The following PTPRT variants were observed in gnomAD, a reference collection of about 807,000 sequenced individuals.
PTPRT encodes protein tyrosine phosphatase receptor type T.
In PTPRT, 56 loss-of-function variants were observed where a neutral mutation model predicts 176.8. The ratio of observed to expected loss-of-function variants is 0.32; its 90% CI spans 0.26 to 0.40. The LOEUF is 0.40. Among genes scored for constraint, PTPRT ranks in the 10% least tolerant of loss-of-function variants. The pLI is 1.00. For missense variants in PTPRT, 1,540 were observed against 1,908.2 expected (o/e 0.81, Z 3.60); for synonymous variants, 783 against 739.0 (o/e 1.06, Z -0.96).
At chr20:42,098,271 G>T in intron 27 of PTPRT, 150 bp downstream of exon 27, 1 of 1,089,848 alleles carries the variant, frequency 9.2e-7, no homozygotes, top group Non-Finnish European at 1.3e-6. Context: ...GTAGCAGAAT[G>T]GCTTGTCTGA....
intron 9 of PTPRT, among the ~76,000 whole-genome samples, chr20:42,388,595 AG>A (rs1255615596): frequency 1.3e-5 from 2 of 152,254 alleles, no homozygotes; most frequent in African/African-American, 4.8e-5. Context: ...CACACCAGTT[AG>A]AATGGCGATT....
chr20:42,854,995 G>T (rs978847185), intron 2 of PTPRT, among the ~76,000 whole-genome samples: 12 of 152,192 alleles, frequency 7.9e-5, no homozygotes, highest in African/African-American at 2.9e-4. Context: ...ATGAACATTT[G>T]GGAGCAGGGA....
intron 7 of PTPRT, among the ~76,000 whole-genome samples, chr20:42,628,458 A>G (rs902992217): frequency 6.6e-6 from 1 of 152,040 alleles, no homozygotes; most frequent in Non-Finnish European, 1.5e-5. Flanking sequence ...CTGGCAAATC[A>G]TTGTTCAATA....
At chr20:42,678,932 T>C (rs560889815) in intron 6 of PTPRT, among the ~76,000 whole-genome samples, 1 of 152,304 alleles carries the variant, frequency 6.6e-6, no homozygotes, top group South Asian at 2.1e-4. Context: ...GATATGAGCC[T>C]AAGTAGAAAA....
intron 1 of PTPRT, among the ~76,000 whole-genome samples, chr20:43,038,551 GA>G (rs1008425472): frequency 1.3e-5 from 2 of 151,836 alleles, no homozygotes; most frequent in African/African-American, 2.4e-5. Flanking sequence ...AATTAAATCA[GA>G]AAAAAGGATA....
At chr20:42,458,655 C>T (rs1036376099) in intron 8 of PTPRT, among the ~76,000 whole-genome samples, 3 of 152,114 alleles carry the variant, frequency 2.0e-5, no homozygotes, top group Non-Finnish European at 2.9e-5. Flanking sequence ...GTTGCTATTT[C>T]CTGTGATGTC....
At chr20:42,957,012 C>T (rs970176904) in intron 1 of PTPRT, among the ~76,000 whole-genome samples, 4 of 152,178 alleles carry the variant, frequency 2.6e-5, no homozygotes, top group African/African-American at 4.8e-5. Context: ...ACACCCAGAA[C>T]TAAAGGAGTG....
At chr20:42,610,015 G>A (rs77141560) in intron 7 of PTPRT, among the ~76,000 whole-genome samples, 1 of 152,366 alleles carries the variant, frequency 6.6e-6, no homozygotes, top group East Asian at 1.9e-4. Flanking sequence ...GCAGAATTCA[G>A]ATGGGTGGCG....
At chr20:43,150,470 T>G (rs1385696958) in intron 1 of PTPRT, among the ~76,000 whole-genome samples, 1 of 152,070 alleles carries the variant, frequency 6.6e-6, no homozygotes, top group Admixed American at 6.5e-5. Flanking sequence ...TTTTTCTTTT[T>G]TTTGGAGATT....
chr20:42,711,237 T>A (rs1356371362), intron 6 of PTPRT, among the ~76,000 whole-genome samples: 1 of 152,166 alleles, frequency 6.6e-6, no homozygotes, highest in Non-Finnish European at 1.5e-5. Flanking sequence ...GTGTTTTGCA[T>A]GTGAGAAGGA....
intron 6 of PTPRT, among the ~76,000 whole-genome samples, chr20:42,713,827 C>T (rs1458802765): frequency 2.0e-5 from 3 of 152,104 alleles, no homozygotes; most frequent in South Asian, 4.2e-4. Flanking sequence ...AGCACCTCCC[C>T]CTCTCTCTTC....
At chr20:42,225,094 G>C (rs1315752436) in intron 15 of PTPRT, among the ~76,000 whole-genome samples, 1 of 152,176 alleles carries the variant, frequency 6.6e-6, no homozygotes, top group African/African-American at 2.4e-5. Flanking sequence ...TATCACCACG[G>C]GTGGATGCCA....
intron 21 of PTPRT, among the ~76,000 whole-genome samples, chr20:42,116,890 G>A: frequency 6.6e-6 from 1 of 152,172 alleles, no homozygotes; most frequent in East Asian, 1.9e-4. Context: ...TGTTTCCAAT[G>A]GGGGATATAT....
At chr20:42,085,691 G>A (rs747795880) in intron 28 of PTPRT, 37 bp downstream of exon 28, 3 of 1,611,986 alleles carry the variant, frequency 1.9e-6, no homozygotes, top group East Asian at 2.2e-5. Flanking sequence ...GTCTTGGGGA[G>A]GAGGGGCTCA....
intron 7 of PTPRT, among the ~76,000 whole-genome samples, chr20:42,667,914 A>G (rs1239339954): frequency 6.6e-6 from 1 of 152,114 alleles, no homozygotes; most frequent in Non-Finnish European, 1.5e-5. Flanking sequence ...CAGATTTCTT[A>G]TCTATCCGGA....
chr20:42,654,945 G>A (rs371710867), intron 7 of PTPRT, among the ~76,000 whole-genome samples: 3 of 152,268 alleles, frequency 2.0e-5, no homozygotes, highest in East Asian at 3.9e-4. Context: ...AATGTTATAT[G>A]CATTTAAATT....
intron 1 of PTPRT, among the ~76,000 whole-genome samples, chr20:43,002,199 C>A (rs1386204101): frequency 6.6e-6 from 1 of 152,162 alleles, no homozygotes; most frequent in African/African-American, 2.4e-5. Flanking sequence ...GCCTCCCTAG[C>A]CATGCTTTCT....
At chr20:43,185,142 T>C (rs1431376141) in intron 1 of PTPRT, among the ~76,000 whole-genome samples, 1 of 152,250 alleles carries the variant, frequency 6.6e-6, no homozygotes, top group African/African-American at 2.4e-5. Context: ...CTAATATCTA[T>C]GTGGTATTGC....
chr20:42,128,906 G>A (rs1268167272), intron 18 of PTPRT, 76 bp from the exon 19 acceptor site: 16 of 1,226,136 alleles, frequency 1.3e-5, no homozygotes, highest in Non-Finnish European at 1.8e-5. Flanking sequence ...TAGAACTACT[G>A]TTTATTAATG....
Sources: gnomAD v4.1 joint callset for allele counts (sites outside exome capture counted in the v4.1 genomes callset) on GRCh38, gnomAD v4.1.1 for gene constraint, MANE v1.5 for transcripts, NCBI Gene and HGNC (gene_info 2026-07-23, HGNC 2026-07-21) for gene names.